The following XKR6 variants were observed in gnomAD, a reference collection of about 807,000 sequenced individuals.
The protein encoded by XKR6 is XK related 6.
XKR6 carries 22 observed loss-of-function variants against 56.7 expected under a neutral mutation model. That is an observed-to-expected ratio of 0.39 (90% CI 0.28 to 0.55). The LOEUF is 0.55. Ranked by LOEUF, XKR6 falls within the 20% of genes least tolerant of loss-of-function variation. The pLI is 0.66. For synonymous variants in XKR6, 524 were observed against 387.8 expected (o/e 1.35, Z -4.13); for missense variants, 852 against 889.0 (o/e 0.96, Z 0.53).
intron 1 of XKR6, among the ~76,000 whole-genome samples, chr8:10,949,271 T>G (rs1462243164): frequency 1.3e-5 from 2 of 152,258 alleles, no homozygotes; most frequent in East Asian, 3.9e-4. Flanking sequence ...GCCTTGAGTC[T>G]TACGGGCCAG....
At chr8:11,136,428 CG>C (rs926903931) in intron 1 of XKR6, among the ~76,000 whole-genome samples, 7 of 148,764 alleles carry the variant, frequency 4.7e-5, no homozygotes, top group African/African-American at 1.7e-4. Flanking sequence ...CGCTTGAACC[CG>C]GGGGGCGGAG....
At chr8:10,997,117 T>C (rs1279533361) in intron 1 of XKR6, among the ~76,000 whole-genome samples, 2 of 152,226 alleles carry the variant, frequency 1.3e-5, no homozygotes, top group African/African-American at 4.8e-5. Flanking sequence ...CCTCATTATT[T>C]CTTTTCTCAA....
intron 1 of XKR6, chr8:11,104,661 T>C (rs1798609357): frequency 6.6e-6 from 1 of 152,226 alleles, no homozygotes; most frequent in Admixed American, 6.5e-5. Flanking sequence ...TGATCAGAAA[T>C]AAAAATAATA....
chr8:10,987,643 A>T (rs1022706746), intron 1 of XKR6, among the ~76,000 whole-genome samples: 1 of 152,168 alleles, frequency 6.6e-6, no homozygotes, highest in Admixed American at 6.5e-5. Flanking sequence ...ACCACGTTAA[A>T]CTGTAATCAT....
intron 1 of XKR6, among the ~76,000 whole-genome samples, chr8:11,076,605 A>AT (rs1800280757): frequency 1.3e-5 from 2 of 152,146 alleles, no homozygotes; most frequent in Admixed American, 1.3e-4. Context: ...CTATAAATTG[A>AT]TGCCAATACC....
intron 1 of XKR6, among the ~76,000 whole-genome samples, chr8:10,970,350 A>C (rs1363212300): frequency 6.6e-6 from 1 of 152,186 alleles, no homozygotes; most frequent in Non-Finnish European, 1.5e-5. Flanking sequence ...GCACTGGACC[A>C]AACATTTTCT....
intron 1 of XKR6, among the ~76,000 whole-genome samples, chr8:11,193,295 C>T (rs1003558343): frequency 6.6e-6 from 1 of 152,012 alleles, no homozygotes; most frequent in Admixed American, 6.6e-5. Context: ...TTTTTTAAAC[C>T]ACTTGTTTAA....
intron 1 of XKR6, among the ~76,000 whole-genome samples, chr8:11,038,677 A>G (rs185741083): frequency 1.1e-3 from 169 of 152,068 alleles, no homozygotes; most frequent in African/African-American, 3.9e-3. Context: ...TGGGACCACA[A>G]GTGCTCACCA....
chr8:10,961,994 C>T (rs1802074105), intron 1 of XKR6, among the ~76,000 whole-genome samples: 1 of 152,132 alleles, frequency 6.6e-6, no homozygotes, highest in Non-Finnish European at 1.5e-5. Context: ...AAAGCTATCC[C>T]TTTTATTTGG....
chr8:11,166,348 C>T lies in XKR6; in HGVS notation c.764+34228G>A, dbSNP rs562064194. On this transcript the variant is annotated intron_variant, in intron 1 of 2. Transcript: ENST00000416569. The stretch of plus-strand genomic sequence containing the variant: ...TGTGGCCTCAAGGTGTCATGAAGAT[C>T]ACAAGGCATCTGCTATGGTCTGAAA... 5.3e-5 allele frequency among the ~76,000 whole-genome samples: 8 copies of T among 152,142 alleles called. No homozygotes were observed. The South Asian group carries it at 1.7e-3, about 32-fold the overall frequency.
At chr8:11,010,634 A>G (rs1019807818) in intron 1 of XKR6, among the ~76,000 whole-genome samples, 1 of 152,246 alleles carries the variant, frequency 6.6e-6, no homozygotes, top group African/African-American at 2.4e-5. Flanking sequence ...CAACCAGTCA[A>G]TATTCAACAT....
chr8:11,041,428 T>C (rs980767822), intron 1 of XKR6, among the ~76,000 whole-genome samples: 3 of 151,924 alleles, frequency 2.0e-5, no homozygotes, highest in African/African-American at 7.3e-5. Context: ...TGGTGGTGCG[T>C]GCTTGTAATT....
At chr8:10,970,682 G>A (rs1409888108) in intron 1 of XKR6, among the ~76,000 whole-genome samples, 2 of 151,854 alleles carry the variant, frequency 1.3e-5, no homozygotes, top group South Asian at 4.2e-4. Flanking sequence ...CATTTATTGG[G>A]CCTCAGTTTT....
chr8:11,136,563 A>T (rs1800413634), intron 1 of XKR6, among the ~76,000 whole-genome samples: 1 of 152,002 alleles, frequency 6.6e-6, no homozygotes, highest in Non-Finnish European at 1.5e-5. Context: ...GATGGTACTT[A>T]CAGGTAGGGC....
At chr8:11,148,432 T>C (rs1001330253) in intron 1 of XKR6, among the ~76,000 whole-genome samples, 1 of 152,190 alleles carries the variant, frequency 6.6e-6, no homozygotes, top group African/African-American at 2.4e-5. Context: ...TCCTGGCACC[T>C]TGATCTTGGA....
chr8:11,105,717 T>A (rs1016286635), intron 1 of XKR6: 1 of 152,230 alleles, frequency 6.6e-6, no homozygotes, highest in Non-Finnish European at 1.5e-5. Context: ...TTGGACAAAG[T>A]TGGCTCCAGG....
In XKR6 at chr8:11,145,196, T is replaced by C. The variant is rs148111354; in HGVS notation, c.764+55380A>G. Among the ~76,000 whole-genome samples the C allele has an allele frequency of 3.2e-3, 487 of 152,306 alleles. 3 individuals carry two copies. Among genetic ancestry groups the C allele is most frequent in the African/African-American group, 0.011 (468 of 41,554 alleles). ...CATTTTGGATTTCAGATTTTTGGAT[T>C]AGATTTTCAGATATCTACATCATGC... is the stretch of plus-strand genomic sequence containing the variant. On this transcript the variant is annotated intron_variant, in intron 1 of 2. Transcript: ENST00000416569.
intron 1 of XKR6, among the ~76,000 whole-genome samples, chr8:11,125,063 T>C (rs6986394): frequency 0.025 from 3,367 of 135,928 alleles, 127 homozygotes; most frequent in African/African-American, 0.088. Context: ...CACTCCAGCA[T>C]GGGCAACAGA....
At chr8:10,990,393 G>A (rs547440064) in intron 1 of XKR6, among the ~76,000 whole-genome samples, 3 of 152,306 alleles carry the variant, frequency 2.0e-5, no homozygotes, top group African/African-American at 4.8e-5. Flanking sequence ...ACCCATCGTG[G>A]CTGGGAGATT....
Sources: allele counts gnomAD v4.1 joint callset (sites outside exome capture counted in the v4.1 genomes callset), GRCh38; gene constraint gnomAD v4.1.1; transcripts MANE v1.5; gene names NCBI Gene and HGNC (gene_info 2026-07-23, HGNC 2026-07-21).